The following ERICH3 variants were observed in gnomAD, a reference collection of about 807,000 sequenced individuals.
ERICH3 encodes the protein glutamate rich 3, also known as glutamate-rich protein 3.
In ERICH3, 126 loss-of-function variants were observed where a neutral mutation model predicts 131.1. The ratio of observed to expected loss-of-function variants is 0.96; its 90% CI spans 0.83 to 1.11. ERICH3 has a LOEUF of 1.11. ERICH3 is among the 50% of genes most tolerant of loss of function. The pLI, the probability that ERICH3 is intolerant of heterozygous loss-of-function variation, is 0.00. For missense variants in ERICH3, 2,050 were observed against 1,810.7 expected, an observed-to-expected ratio of 1.13 and a Z score of -2.40; for synonymous variants, 695 against 644.6, an observed-to-expected ratio of 1.08 and a Z score of -1.18.
chr1:74,664,183 T>C (rs1339704252), intron 1 of ERICH3, among the ~76,000 whole-genome samples: 2 of 152,014 alleles, frequency 1.3e-5, no homozygotes, highest in African/African-American at 4.8e-5. Context: ...TAAATAGGAA[T>C]ATAATAAAAA....
intron 1 of ERICH3, among the ~76,000 whole-genome samples, chr1:74,654,519 C>A (rs1369961726): frequency 2.0e-5 from 3 of 152,030 alleles, no homozygotes; most frequent in Admixed American, 1.3e-4. Context: ...AGGGTACCAA[C>A]ATGTTTAGGT....
Position 74,636,393 on chromosome 1 carries a change from T to A in ERICH3, c.490A>T (p.Ile164Phe), listed in dbSNP as rs1404975925. The change falls in exon 6 of 15, where the codon ATT becomes TTT. Residue 164 changes from isoleucine to phenylalanine, a missense_variant. Transcript: ENST00000326665. ...YTAPGNMQPPIRLQPLPSNPA... is the reference protein window; with the variant it reads ...YTAPGNMQPPFRLQPLPSNPA... Reference sequence around the variant, plus strand: ...TTACTGGGAAGAGGCTGTAATCGAATTGGAGGCTGCATATTTCCTGGAGCA... The same window carrying A: ...TTACTGGGAAGAGGCTGTAATCGAAATGGAGGCTGCATATTTCCTGGAGCA... 1.9e-6 allele frequency: 3 copies of A among 1,613,042 alleles called. No individual in the cohort carries two copies. The South Asian group carries it at 3.3e-5, about 18-fold the overall frequency.
At chr1:74,579,862 A>G (rs1647145054) in intron 12 of ERICH3, 1 of 984,820 alleles carries the variant, frequency 1.0e-6, no homozygotes, top group East Asian at 1.1e-4. Context: ...TTCTCACAGC[A>G]TTAGTTGCCA....
Position 74,658,665 on chromosome 1 carries a change from G to T in ERICH3, c.24-9350C>A, listed in dbSNP as rs144705714. On this transcript the variant is annotated intron_variant, in intron 1 of 14. Coordinates refer to ENST00000326665, the MANE Select transcript of ERICH3 (RefSeq NM_001002912.5). ...TGTCTGTCATTTTTTTCCACTAAAG[G>T]TTAGGTTAATTTCCTAAGGGCTGGT... 4.7e-3 allele frequency among the ~76,000 whole-genome samples: 708 copies of T among 152,216 alleles called. 5 individuals are homozygous for T. The highest frequency in any genetic ancestry group is 0.016 in the African/African-American group (678 of 41,538).
chr1:74,591,429 C>T lies in ERICH3; in HGVS notation c.1727-1349G>A, dbSNP rs1647596400. Among the ~76,000 whole-genome samples the T allele has an allele frequency of 2.0e-5, 3 of 152,266 alleles. No individual in the cohort carries two copies. In the East Asian group the frequency reaches 5.8e-4, roughly 29 times the overall value. On this transcript the variant is annotated intron_variant, in intron 11 of 14. Coordinates refer to ENST00000326665, the MANE Select transcript of ERICH3 (RefSeq NM_001002912.5). ...ATACTTCGGAAAAGTCAGACATTAGCTATGGGCCACCCTAGGGGGAATGTA... is the reference window on the plus strand; with the variant it reads ...ATACTTCGGAAAAGTCAGACATTAGTTATGGGCCACCCTAGGGGGAATGTA...
chr1:74,670,801 T>C (rs548840460), intron 1 of ERICH3, among the ~76,000 whole-genome samples: 70 of 152,290 alleles, frequency 4.6e-4, no homozygotes, highest in African/African-American at 1.7e-3. Flanking sequence ...GCCATATTTT[T>C]CTTCTTGTAG....
At chr1:74,591,894 T>C (rs1647623246) in intron 11 of ERICH3, 1 of 152,160 alleles carries the variant, frequency 6.6e-6, no homozygotes, top group Non-Finnish European at 1.5e-5. Flanking sequence ...TACTCCTTAC[T>C]CTTTTTTTTG....
chr1:74,589,909 T>C lies in ERICH3; in HGVS notation c.1898A>G (p.His633Arg). The change falls in exon 12 of 15, where the codon CAC (histidine) becomes CGC (arginine). Residue 633 changes from histidine (H) to arginine (R), a missense_variant. By Grantham distance (29) the His-to-Arg change is conservative (BLOSUM62 0). Transcript: ENST00000326665. ...TTCTAAGGATTCCTCAATTGGAAGG[T>C]GAGACTTTCTTGGCTTATCATTTTC... is the stretch of plus-strand genomic sequence containing the variant. ...LSENDKPRKS[H>R]LPIEESLEIE... 6.2e-7 allele frequency: 1 copy of C among 1,614,064 alleles called. No homozygotes were observed.
chr1:74,609,035 C>T (rs10493545), intron 9 of ERICH3, among the ~76,000 whole-genome samples: 4,805 of 152,152 alleles, frequency 0.032, 256 homozygotes, highest in African/African-American at 0.11. Context: ...CTCCTCGTCA[C>T]TGACTACCTA....
Position 74,574,137 on chromosome 1 carries a change from C to A in ERICH3, c.2219-646G>T, listed in dbSNP as rs1163544249. On this transcript the variant is annotated intron_variant, in intron 13 of 14. Coordinates refer to ENST00000326665, the MANE Select transcript of ERICH3 (RefSeq NM_001002912.5). Reference sequence around the variant, plus strand: ...TCTTGGGTAGCTGGGACCATAGATGCATGCCACTATGCCAGGCTAATTTTT... The same window carrying A: ...TCTTGGGTAGCTGGGACCATAGATGAATGCCACTATGCCAGGCTAATTTTT... Among the ~76,000 whole-genome samples the A allele has an allele frequency of 2.6e-5, 4 of 151,806 alleles. No individual in the cohort carries two copies. The South Asian group carries it at 6.3e-4, about 24-fold the overall frequency.
At chr1:74,645,548 A>G (rs1180898724) in intron 3 of ERICH3, among the ~76,000 whole-genome samples, 1 of 152,042 alleles carries the variant, frequency 6.6e-6, no homozygotes, top group African/African-American at 2.4e-5. Context: ...CAGGGTGTTA[A>G]GTGAGATTTT....
At chr1:74,612,592 G>T in intron 9 of ERICH3, 31 bp downstream of exon 9, 1 of 1,489,550 alleles carries the variant, frequency 6.7e-7, no homozygotes, top group Non-Finnish European at 9.1e-7. Flanking sequence ...AGCAAAACTT[G>T]CCCTCTACCA....
chr1:74,598,533 T>C (rs1380664098), intron 11 of ERICH3, among the ~76,000 whole-genome samples: 4 of 151,832 alleles, frequency 2.6e-5, no homozygotes, highest in Admixed American at 6.6e-5. Context: ...AATGAAAGCA[T>C]GACAGCATGT....
At chr1:74,581,429 G>A (rs193296706) in intron 12 of ERICH3, among the ~76,000 whole-genome samples, 4 of 151,936 alleles carry the variant, frequency 2.6e-5, no homozygotes, top group African/African-American at 7.2e-5. Flanking sequence ...GTGAGAAATT[G>A]GTCACCTTAC....
chr1:74,600,663 G>C (rs1648085979), intron 10 of ERICH3, among the ~76,000 whole-genome samples: 1 of 151,786 alleles, frequency 6.6e-6, no homozygotes, highest in Non-Finnish European at 1.5e-5. Context: ...TGTCACATCA[G>C]ATAAACTCCA....
chr1:74,662,823 T>A (rs1378278), intron 1 of ERICH3, among the ~76,000 whole-genome samples: 62,211 of 151,948 alleles, frequency 0.41, 14,171 homozygotes, highest in Non-Finnish European at 0.52. Flanking sequence ...ACTGAAATTA[T>A]ACCATGTTTT....
At chr1:74,624,165 C>T (rs1229372052) in intron 7 of ERICH3, 3 of 152,132 alleles carry the variant, frequency 2.0e-5, no homozygotes, top group African/African-American at 7.2e-5. Flanking sequence ...TTGGTTCTAC[C>T]CTATATAGGA....
upstream of ERICH3, chr1:74,673,819 TG>T (rs1557709860): frequency 2.8e-6 from 1 of 353,720 alleles, no homozygotes; most frequent in East Asian, 4.7e-5. Context: ...AAGCTGGAAG[TG>T]AAGCCAGCTT....
At chr1:74,599,655 A>T (rs1170693863) in intron 11 of ERICH3, 40 bp downstream of exon 11, 1 of 1,444,106 alleles carries the variant, frequency 6.9e-7, no homozygotes, top group Non-Finnish European at 9.4e-7. Flanking sequence ...AAACACACTC[A>T]GTAAACAGCC....
Sources: allele counts gnomAD v4.1 joint callset (sites outside exome capture counted in the v4.1 genomes callset), GRCh38; gene constraint gnomAD v4.1.1; transcripts MANE v1.5; gene names NCBI Gene and HGNC (gene_info 2026-07-23, HGNC 2026-07-21).